ACVRL1: variants seen among roughly 807,000 people sequenced by gnomAD.
ACVRL1 encodes activin receptor type-1-like.
A neutral mutation model predicts 51.9 loss-of-function variants in ACVRL1; 20 were observed. That is an observed-to-expected ratio of 0.39 (90% CI 0.27 to 0.56). ACVRL1 has a LOEUF of 0.56. Among genes scored for constraint, ACVRL1 ranks in the 20% least tolerant of loss-of-function variants. The pLI is 0.67. For synonymous variants in ACVRL1, 288 were observed against 280.9 expected (o/e 1.03, Z -0.25); for missense variants, 451 against 670.3 (o/e 0.67, Z 3.61).
At chr12:51,912,641 T>G in intron 2 of ACVRL1, 106 bp downstream of exon 2, 1 of 972,716 alleles carries the variant, frequency 1.0e-6, no homozygotes, top group Non-Finnish European at 1.6e-6. Flanking sequence ...CTGGGGAGAA[T>G]GTAGGAGCTT....
chr12:51,919,282 C>T (rs750098299), intron 9 of ACVRL1, 167 bp downstream of exon 9: 2 of 1,050,330 alleles, frequency 1.9e-6, no homozygotes, highest in Non-Finnish European at 2.8e-6. Flanking sequence ...CCCATGCTCC[C>T]TGCCCCCAGG....
intron 3 of ACVRL1, 88 bp downstream of exon 3, chr12:51,913,438 A>C: frequency 7.7e-6 from 7 of 904,520 alleles, no homozygotes; most frequent in Non-Finnish European, 1.1e-5. Flanking sequence ...TGGCCAATAA[A>C]GGGGCTGGGG....
At position 51,921,280 on chromosome 12, in the gene ACVRL1, C is replaced by T; in HGVS notation, c.*387C>T. On this transcript the variant is annotated 3_prime_UTR_variant, in exon 10 of 10. Transcript: ENST00000388922. ...CCCTGCCCTTGATCAACCCCACTGC[C>T]CCACCAGAGCTGCCAGGGTGGCACA... The T allele has an allele frequency of 3.0e-6, 1 of 336,824 alleles. No homozygotes were observed. Among genetic ancestry groups the T allele is most frequent in the Non-Finnish European group, 5.8e-6 (1 of 171,788 alleles). The allele number at this position is 336,824 out of a possible 1,614,324, so 20.9% of individuals were successfully genotyped here. A position where few individuals can be genotyped will look rare whatever the true frequency, so the allele number is the denominator to read the frequency against.
At chr12:51,916,280 G>A in intron 8 of ACVRL1, 47 bp downstream of exon 8, 3 of 1,591,966 alleles carry the variant, frequency 1.9e-6, no homozygotes, top group Non-Finnish European at 2.6e-6. Flanking sequence ...ATCAGCCTGT[G>A]GAGCCAGGGG....
In ACVRL1 at chr12:51,921,089, G is replaced by T; in HGVS notation, c.*196G>T. 1.5e-6 allele frequency: 1 copy of T among 657,998 alleles called. No individual in the cohort carries two copies. Among genetic ancestry groups the T allele is most frequent in the East Asian group, 2.8e-5 (1 of 35,350 alleles). 40.8% of individuals were successfully genotyped at this position (657,998 alleles called of 1,614,324 possible). A position where few individuals can be genotyped will look rare whatever the true frequency, so the allele number is the denominator to read the frequency against. ...AACCTGATCCCCTGCTGTCTGGCCT[G>T]CTCAAAGCGGCAGGCTCCCTGACGC... On this transcript the variant is annotated 3_prime_UTR_variant, in exon 10 of 10. Coordinates refer to ENST00000388922, the MANE Select transcript of ACVRL1 (RefSeq NM_000020.3).
chr12:51,912,481 T>C lies in ACVRL1; in HGVS notation c.7T>C (p.Leu3=). 2 of 1,614,170 alleles carry C rather than the reference T, an allele frequency of 1.2e-6. No homozygotes were observed. Among genetic ancestry groups the C allele is most frequent in the Non-Finnish European group, 1.7e-6 (2 of 1,180,034 alleles). MT[L]GSPRKGLLML... The stretch of plus-strand genomic sequence containing the variant: ...GCTCCTCTCTGCAGGGACCATGACC[T>C]TGGGCTCCCCCAGGAAAGGCCTTCT... The change falls in exon 2 of 10, where the codon TTG becomes CTG. Residue 3 remains leucine (L), a synonymous_variant. Coordinates refer to ENST00000388922, the MANE Select transcript of ACVRL1 (RefSeq NM_000020.3).
chr12:51,914,936 G>A (rs1173409673), intron 6 of ACVRL1, among the ~76,000 whole-genome samples: 1 of 151,934 alleles, frequency 6.6e-6, no homozygotes, highest in Non-Finnish European at 1.5e-5. Flanking sequence ...TAGAGACGAG[G>A]TCTCCCTATG....
rs61914025 is a variant in ACVRL1, at chr12:51,923,206, G to A, written c.*2313G>A. 4,221 of 152,516 alleles carry A rather than the reference G, an allele frequency of 0.028. 76 individuals carry two copies. The highest frequency in any genetic ancestry group is 0.041 in the Non-Finnish European group (2,800 of 68,130). 9.4% of individuals were successfully genotyped at this position (152,516 alleles called of 1,614,324 possible). A position where few individuals can be genotyped will look rare whatever the true frequency, so the allele number is the denominator to read the frequency against. On this transcript the variant is annotated 3_prime_UTR_variant, in exon 10 of 10. Transcript: ENST00000388922. Reference sequence around the variant, plus strand: ...ATGGCCAGGGAGTGAAGGAGGTGGCGTTGCTGAGAGCAGTCTGCACATGCT... The same window carrying A: ...ATGGCCAGGGAGTGAAGGAGGTGGCATTGCTGAGAGCAGTCTGCACATGCT...
intron 9 of ACVRL1, among the ~76,000 whole-genome samples, chr12:51,919,781 C>T (rs1940926270): frequency 2.0e-5 from 3 of 152,108 alleles, no homozygotes; most frequent in Non-Finnish European, 4.4e-5. Flanking sequence ...TTCACTTGTA[C>T]AAAGACACAC....
At chr12:51,910,487 A>G (rs941442062) in intron 1 of ACVRL1, among the ~76,000 whole-genome samples, 1 of 152,222 alleles carries the variant, frequency 6.6e-6, no homozygotes, top group Non-Finnish European at 1.5e-5. Context: ...CTCAGTGAGC[A>G]CTTCAGGTGA....
intron 1 of ACVRL1, among the ~76,000 whole-genome samples, chr12:51,911,531 C>T (rs1051395318): frequency 1.3e-5 from 2 of 152,194 alleles, no homozygotes; most frequent in Admixed American, 1.3e-4. Flanking sequence ...CTACACCTGG[C>T]ATGACCCTGC....
At position 51,917,150 on chromosome 12, in the gene ACVRL1, G is replaced by A. The variant is rs551858686; in HGVS notation, c.1246+917G>A. Among the ~76,000 whole-genome samples, 7 of 152,294 alleles carry A rather than the reference G, an allele frequency of 4.6e-5. No individual in the cohort carries two copies. The South Asian group carries it at 1.5e-3, about 32-fold the overall frequency. On this transcript the variant is annotated intron_variant, in intron 8 of 9. Coordinates refer to ENST00000388922, the MANE Select transcript of ACVRL1 (RefSeq NM_000020.3). This position sits in a 1 kb window ranked among gnomAD's most constrained non-coding sequence, Gnocchi z 4.2. ...GTCCCCATTTTACAGTTGAGGAGAC[G>A]GGGGCACAGAATGACAGTGGGCTTG...
At chr12:51,915,936 T>TC in intron 7 of ACVRL1, 100 bp from the exon 8 acceptor site, 1 of 1,344,308 alleles carries the variant, frequency 7.4e-7, no homozygotes, top group South Asian at 1.3e-5. Flanking sequence ...CCATCTGCCT[T>TC]CCCCTCTCTG....
rs1026325352 is a variant in ACVRL1, at chr12:51,922,332, C to A, written c.*1439C>A. The A allele has an allele frequency of 3.3e-5, 5 of 152,232 alleles. No individual in the cohort carries two copies. The highest frequency in any genetic ancestry group is 1.2e-4 in the African/African-American group (5 of 41,452). The allele number at this position is 152,232 out of a possible 1,614,324, so 9.4% of individuals were successfully genotyped here. On this transcript the variant is annotated 3_prime_UTR_variant, in exon 10 of 10. Transcript: ENST00000388922. ...CAGCTCTGGGCCTTTTGACCACAAG[C>A]CAGCCCCTCGCCCTCTCTGTGGCAT...
At chr12:51,914,624 G>T in intron 6 of ACVRL1, 39 bp downstream of exon 6, 1 of 1,588,266 alleles carries the variant, frequency 6.3e-7, no homozygotes, top group Non-Finnish European at 8.6e-7. Flanking sequence ...CTGGGGCTTT[G>T]CCCCCCTGCA....
rs577556095 is a variant in ACVRL1 at position 51,920,740 on chromosome 12, C to T, written c.1378-19C>T. On this transcript the variant is annotated intron_variant, in intron 9 of 9. Coordinates refer to ENST00000388922, the MANE Select transcript of ACVRL1 (RefSeq NM_000020.3). ...CTCTCTCTGCCTCCTCTCCTCTGCA[C>T]CTCTCTCCCAACCCCCAGGTCCTCT... is the stretch of plus-strand genomic sequence containing the variant. 39 of 1,613,026 alleles carry T rather than the reference C, an allele frequency of 2.4e-5. 2 individuals are homozygous for T. The South Asian group carries it at 3.0e-4, about 12-fold the overall frequency.
In ACVRL1 at chr12:51,922,202, A is replaced by C. The variant is rs1940997377; in HGVS notation, c.*1309A>C. On this transcript the variant is annotated 3_prime_UTR_variant, in exon 10 of 10. Coordinates refer to ENST00000388922, the MANE Select transcript of ACVRL1 (RefSeq NM_000020.3). ...ATTTGCCTCAAGATGGGGGTTTGAA[A>C]ATAACTTTACCTGACTCAAGGAGTG... is the stretch of plus-strand genomic sequence containing the variant. 6.6e-6 allele frequency: 1 copy of C among 152,198 alleles called. No individual in the cohort carries two copies. The highest frequency in any genetic ancestry group is 2.1e-4 in the South Asian group (1 of 4,828). The allele number at this position is 152,198 out of a possible 1,614,324, so 9.4% of individuals were successfully genotyped here. A position where few individuals can be genotyped will look rare whatever the true frequency, so the allele number is the denominator to read the frequency against.
intron 4 of ACVRL1, 94 bp from the exon 5 acceptor site, chr12:51,913,879 GA>G: frequency 6.4e-7 from 1 of 1,568,560 alleles, no homozygotes. Flanking sequence ...GGCGAGTGAG[GA>G]GCTTGCAGTG....
intron 4 of ACVRL1, 29 bp from the exon 5 acceptor site, chr12:51,913,945 G>T: frequency 6.2e-7 from 1 of 1,608,566 alleles, no homozygotes; most frequent in Non-Finnish European, 8.5e-7. Flanking sequence ...GGTTGTGGCA[G>T]CCTCTCAGTG....
Sources: allele counts gnomAD v4.1 joint callset (sites outside exome capture counted in the v4.1 genomes callset), GRCh38; gene constraint gnomAD v4.1.1; non-coding constraint Gnocchi (gnomAD v3.1); transcripts MANE v1.5; gene names NCBI Gene and HGNC (gene_info 2026-07-23, HGNC 2026-07-21).